RFX3: variants seen among roughly 807,000 people sequenced by gnomAD.
RFX3 encodes transcription factor RFX3.
Under a neutral mutation model 98.6 loss-of-function variants are expected in RFX3, and 14 were observed. The ratio of observed to expected loss-of-function variants is 0.14; its 90% CI spans 0.09 to 0.22. The LOEUF is 0.22. Ranked by LOEUF, RFX3 falls within the 10% of genes least tolerant of loss-of-function variation. RFX3 has a pLI of 1.00. For missense variants in RFX3, 639 were observed against 926.9 expected (o/e 0.69, Z 4.03); for synonymous variants, 383 against 328.4 (o/e 1.17, Z -1.80).
At chr9:3,441,154 T>C (rs1350467676) in intron 1 of RFX3, among the ~76,000 whole-genome samples, 1 of 152,124 alleles carries the variant, frequency 6.6e-6, no homozygotes, top group Non-Finnish European at 1.5e-5. Context: ...ACCAAGTAAA[T>C]GGATGATGGA....
intron 1 of RFX3, among the ~76,000 whole-genome samples, chr9:3,438,984 C>T (rs896504395): frequency 6.6e-6 from 1 of 151,826 alleles, no homozygotes. Flanking sequence ...TATCTGCTCA[C>T]AATTGAACTG....
chr9:3,270,821 T>C (rs2131337644), intron 10 of RFX3, 182 bp downstream of exon 10: 1 of 781,744 alleles, frequency 1.3e-6, no homozygotes, highest in Non-Finnish European at 2.0e-6. Flanking sequence ...AAATGGGAGC[T>C]ATATACACAC....
chr9:3,498,883 C>G (rs531936720), intron 1 of RFX3, among the ~76,000 whole-genome samples: 1 of 152,134 alleles, frequency 6.6e-6, no homozygotes, highest in Admixed American at 6.6e-5. Flanking sequence ...AAAGGGTATG[C>G]TGTGCTTTCA....
chr9:3,389,375 T>C (rs1393147189), intron 2 of RFX3, among the ~76,000 whole-genome samples: 6 of 152,220 alleles, frequency 3.9e-5, no homozygotes, highest in Middle Eastern at 6.8e-3. Context: ...TAGAGACCCA[T>C]TGGTCCAAAA....
rs185899937 is a variant in RFX3 at position 3,290,261 on chromosome 9, C to A, written c.732-2011G>T. 5.3e-5 allele frequency among the ~76,000 whole-genome samples: 8 copies of A among 151,024 alleles called. No individual in the cohort carries two copies. The South Asian group carries it at 1.7e-3, about 32-fold the overall frequency. On this transcript the variant is annotated intron_variant, in intron 6 of 16. Transcript: ENST00000617270. ...GTTACCTAGTTGGGGGTGGGAGGAACCCAGAACATCAGAAAGTAAAAGCGG... is the reference window on the plus strand; with the variant it reads ...GTTACCTAGTTGGGGGTGGGAGGAAACCAGAACATCAGAAAGTAAAAGCGG...
At chr9:3,227,005 G>C (rs1265394531) in intron 16 of RFX3, among the ~76,000 whole-genome samples, 3 of 152,110 alleles carry the variant, frequency 2.0e-5, no homozygotes, top group Non-Finnish European at 4.4e-5. Flanking sequence ...TTCACATTCA[G>C]TCTTTAGGTC....
chr9:3,397,647 C>A (rs561512859), intron 1 of RFX3, among the ~76,000 whole-genome samples: 184 of 152,236 alleles, frequency 1.2e-3, no homozygotes, highest in Non-Finnish European at 1.2e-3. Flanking sequence ...TTCACTTTGA[C>A]TCTGTGCTTA....
chr9:3,332,181 C>A (rs1322561368), intron 3 of RFX3, among the ~76,000 whole-genome samples: 4 of 152,042 alleles, frequency 2.6e-5, no homozygotes, highest in African/African-American at 9.7e-5. Flanking sequence ...GCTGAGAATA[C>A]CTTATCAACA....
intron 1 of RFX3, among the ~76,000 whole-genome samples, chr9:3,504,976 T>G (rs1262442380): frequency 2.4e-5 from 2 of 82,500 alleles, no homozygotes; most frequent in Non-Finnish European, 4.2e-5. Context: ...ATATATATTA[T>G]ATAATATATA....
intron 5 of RFX3, 53 bp downstream of exon 5, chr9:3,301,493 A>G: frequency 1.6e-6 from 2 of 1,240,496 alleles, no homozygotes; most frequent in Non-Finnish European, 2.3e-6. Context: ...AGAGGCAAGC[A>G]ACACATGCAG....
At chr9:3,335,261 T>G (rs546586477) in intron 3 of RFX3, among the ~76,000 whole-genome samples, 1 of 152,088 alleles carries the variant, frequency 6.6e-6, no homozygotes, top group South Asian at 2.1e-4. Flanking sequence ...CTCCTAAAGG[T>G]TTTTTCCATG....
intron 1 of RFX3, among the ~76,000 whole-genome samples, chr9:3,427,740 T>C (rs1019999057): frequency 6.6e-6 from 1 of 152,008 alleles, no homozygotes. Context: ...TACCATATCT[T>C]TTCATTCTCA....
intron 15 of RFX3, among the ~76,000 whole-genome samples, chr9:3,244,526 G>A (rs1261040850): frequency 1.3e-5 from 2 of 152,100 alleles, no homozygotes; most frequent in African/African-American, 2.4e-5. Context: ...GTGCTTGAAC[G>A]TTAGGTTTCT....
intron 11 of RFX3, among the ~76,000 whole-genome samples, chr9:3,267,979 T>TA (rs1356787834): frequency 2.0e-5 from 3 of 151,946 alleles, no homozygotes; most frequent in Non-Finnish European, 4.4e-5. Context: ...GGCCTTGTTT[T>TA]ATCTAGATAA....
intron 1 of RFX3, among the ~76,000 whole-genome samples, chr9:3,440,009 T>G (rs1213161137): frequency 1.3e-5 from 2 of 151,990 alleles, no homozygotes; most frequent in Admixed American, 1.3e-4. Flanking sequence ...AAAGAAAAAC[T>G]TAACAATCAT....
chr9:3,525,717 A>G (rs1819219417), intron 1 of RFX3, 30 bp downstream of exon 1: 1 of 196,332 alleles, frequency 5.1e-6, no homozygotes. Flanking sequence ...ACACGCTCCC[A>G]CACACATGTA....
intron 2 of RFX3, among the ~76,000 whole-genome samples, chr9:3,372,146 T>G (rs1011084762): frequency 8.5e-5 from 13 of 152,218 alleles, no homozygotes; most frequent in African/African-American, 3.1e-4. Flanking sequence ...CCCTAATACC[T>G]TCTTTGCCTA....
intron 3 of RFX3, chr9:3,344,836 G>C: frequency 1.4e-6 from 1 of 715,512 alleles, no homozygotes; most frequent in Non-Finnish European, 2.6e-6. Context: ...AGTAGTTTAA[G>C]TTTATGGTGA....
intron 1 of RFX3, among the ~76,000 whole-genome samples, chr9:3,448,847 A>G (rs1030093658): frequency 6.6e-6 from 1 of 152,158 alleles, no homozygotes; most frequent in African/African-American, 2.4e-5. Context: ...ACTGCAATAA[A>G]CTACCTAAAT....
Sources: gnomAD v4.1 joint callset for allele counts (sites outside exome capture counted in the v4.1 genomes callset) on GRCh38, gnomAD v4.1.1 for gene constraint, MANE v1.5 for transcripts, NCBI Gene and HGNC (gene_info 2026-07-23, HGNC 2026-07-21) for gene names.